PLCH1: variants seen among roughly 807,000 people sequenced by gnomAD.
PLCH1 encodes 1-phosphatidylinositol 4,5-bisphosphate phosphodiesterase eta-1.
PLCH1 carries 60 observed loss-of-function variants against 126.7 expected under a neutral mutation model. That is an observed-to-expected ratio of 0.47 (90% CI 0.38 to 0.59). The LOEUF (loss-of-function observed/expected upper bound fraction) is 0.59. Among genes scored for constraint, PLCH1 ranks in the 20% least tolerant of loss-of-function variants. PLCH1 has a pLI of 0.00. For missense variants in PLCH1, 1,723 were observed against 2,040.0 expected (o/e 0.84, Z 2.99); for synonymous variants, 719 against 734.9 (o/e 0.98, Z 0.35).
chr3:155,603,114 T>C (rs1452852802), intron 2 of PLCH1, among the ~76,000 whole-genome samples: 3 of 151,960 alleles, frequency 2.0e-5, no homozygotes, highest in Non-Finnish European at 4.4e-5. Flanking sequence ...ACACTGATCA[T>C]TGAACTGTGA....
chr3:155,719,862 C>T (rs1010828420), intron 1 of PLCH1, among the ~76,000 whole-genome samples: 20 of 151,902 alleles, frequency 1.3e-4, no homozygotes, highest in African/African-American at 4.3e-4. Flanking sequence ...GTGGCGCAAT[C>T]TTGGCTCACT....
chr3:155,592,512 T>C (rs1158979072), intron 4 of PLCH1, among the ~76,000 whole-genome samples: 2 of 124,934 alleles, frequency 1.6e-5, no homozygotes, highest in African/African-American at 5.6e-5. Context: ...AAAAAAAAAA[T>C]TGTGAGAAGA....
intron 9 of PLCH1, among the ~76,000 whole-genome samples, chr3:155,550,988 C>T (rs1317060588): frequency 2.0e-5 from 3 of 152,086 alleles, no homozygotes; most frequent in Non-Finnish European, 4.4e-5. Context: ...TTTCCTTACT[C>T]GACTACAATC....
At chr3:155,604,385 T>G (rs1302729038) in intron 2 of PLCH1, among the ~76,000 whole-genome samples, 3 of 152,222 alleles carry the variant, frequency 2.0e-5, no homozygotes, top group Non-Finnish European at 4.4e-5. Flanking sequence ...TGTTAATTTT[T>G]TTTCATTGCC....
chr3:155,620,328 A>G (rs1736307958), intron 2 of PLCH1, among the ~76,000 whole-genome samples: 1 of 152,254 alleles, frequency 6.6e-6, no homozygotes. Context: ...ATGCACGTAC[A>G]TCTGCCACAC....
intron 2 of PLCH1, among the ~76,000 whole-genome samples, chr3:155,680,489 C>T (rs17414074): frequency 0.047 from 7,160 of 152,234 alleles, 229 homozygotes; most frequent in Middle Eastern, 0.11. Context: ...GGTGCAGCTT[C>T]GCCATTGAGA....
intron 1 of PLCH1, among the ~76,000 whole-genome samples, chr3:155,730,501 G>A (rs114260021): frequency 3.3e-5 from 5 of 152,144 alleles, no homozygotes; most frequent in African/African-American, 4.8e-5. Context: ...GGCTGGTCTC[G>A]AACTCCTGGC....
At chr3:155,589,477 A>T (rs1731817189) in intron 4 of PLCH1, among the ~76,000 whole-genome samples, 1 of 152,142 alleles carries the variant, frequency 6.6e-6, no homozygotes, top group African/African-American at 2.4e-5. Flanking sequence ...TTCTTAGCTC[A>T]GGAGTCCACG....
chr3:155,484,487 A>G (rs1283674998), intron 22 of PLCH1, among the ~76,000 whole-genome samples: 1 of 152,246 alleles, frequency 6.6e-6, no homozygotes, highest in African/African-American at 2.4e-5. Flanking sequence ...CTGAAATTAG[A>G]CCATTTGATA....
chr3:155,554,991 G>A (rs1269426098), intron 8 of PLCH1, among the ~76,000 whole-genome samples: 1 of 152,162 alleles, frequency 6.6e-6, no homozygotes, highest in Non-Finnish European at 1.5e-5. Flanking sequence ...ATGCCCCTCT[G>A]ACTAAGAATT....
Position 155,742,132 on chromosome 3 carries a change from C to G in PLCH1, c.-41+2708G>C, listed in dbSNP as rs567172676. 13 of 152,322 alleles carry G rather than the reference C, an allele frequency of 8.5e-5. No individual in the cohort carries two copies. In the East Asian group the frequency reaches 2.5e-3, roughly 29 times the overall value. 9.4% of individuals were successfully genotyped at this position (152,322 alleles called of 1,614,324 possible). A position where few individuals can be genotyped will look rare whatever the true frequency, so the allele number is the denominator to read the frequency against. Reference sequence around the variant, plus strand: ...GGTATTAGAATTATTTCAGGACTCACAGCTCTTAGTTCATTCAGAACAGAA... The same window carrying G: ...GGTATTAGAATTATTTCAGGACTCAGAGCTCTTAGTTCATTCAGAACAGAA... On this transcript the variant is annotated intron_variant, in intron 1 of 22. Coordinates refer to ENST00000460012, the MANE Select transcript of PLCH1 (RefSeq NM_014996.4).
Position 155,566,162 on chromosome 3 carries a change from TACATATATAC to T in PLCH1, c.866-1054_866-1045del, listed in dbSNP as rs1160961625. Among the ~76,000 whole-genome samples the T allele has an allele frequency of 3.3e-4, 38 of 114,558 alleles. 4 individuals carry two copies. In the East Asian group the frequency reaches 7.1e-3, roughly 22 times the overall value. 75.2% of individuals were successfully genotyped at this position (114,558 alleles called of 152,430 possible). Reference sequence around the variant, plus strand: ...ATATGTATATATACATATATACACATACATATATACACATATATACACATATATATACACA... The same window carrying T: ...ATATGTATATATACATATATACACATACATATATACACATATATATACACA... On this transcript the variant is annotated intron_variant, in intron 7 of 22. Coordinates refer to ENST00000460012, the MANE Select transcript of PLCH1 (RefSeq NM_014996.4).
chr3:155,590,748 TCAAACAAA>T (rs750341381), intron 4 of PLCH1, among the ~76,000 whole-genome samples: 4 of 152,170 alleles, frequency 2.6e-5, no homozygotes, highest in South Asian at 4.2e-4. Context: ...AGACTCCGCC[TCAAACAAA>T]CAAACAAACA....
intron 1 of PLCH1, among the ~76,000 whole-genome samples, chr3:155,729,086 T>C (rs1327750783): frequency 6.6e-6 from 1 of 152,246 alleles, no homozygotes; most frequent in African/African-American, 2.4e-5. Context: ...TCAGAATATG[T>C]CTGCTCACGA....
At chr3:155,704,094 T>C (rs1004324215) in intron 2 of PLCH1, 52 bp downstream of exon 2, 2 of 778,640 alleles carry the variant, frequency 2.6e-6, no homozygotes, top group African/African-American at 1.8e-5. Flanking sequence ...ATAAAAGTCC[T>C]GTCAGAAACA....
intron 12 of PLCH1, among the ~76,000 whole-genome samples, chr3:155,506,278 T>C (rs571243188): frequency 1.3e-5 from 2 of 151,900 alleles, no homozygotes; most frequent in Admixed American, 1.3e-4. Context: ...CAGGATTCTG[T>C]CTAGCTACAA....
chr3:155,453,082 G>T (rs1054326606), intron 21 of PLCH1, among the ~76,000 whole-genome samples: 9 of 152,140 alleles, frequency 5.9e-5, no homozygotes, highest in African/African-American at 2.2e-4. Flanking sequence ...TCCAATAGAA[G>T]AGCCCTCCTC....
chr3:155,719,960 T>C (rs1747826019), intron 1 of PLCH1, among the ~76,000 whole-genome samples: 5 of 152,018 alleles, frequency 3.3e-5, no homozygotes, highest in Admixed American at 3.3e-4. Flanking sequence ...CATGCCCGGC[T>C]AATTTTTGTA....
At chr3:155,619,283 T>G (rs1412432805) in intron 2 of PLCH1, among the ~76,000 whole-genome samples, 1 of 88,354 alleles carries the variant, frequency 1.1e-5, no homozygotes, top group Non-Finnish European at 2.0e-5. Flanking sequence ...AGGAGTAGTG[T>G]ACAGGGCAGT....
Sources: gnomAD v4.1 joint callset for allele counts (sites outside exome capture counted in the v4.1 genomes callset) on GRCh38, gnomAD v4.1.1 for gene constraint, MANE v1.5 for transcripts, NCBI Gene and HGNC (gene_info 2026-07-23, HGNC 2026-07-21) for gene names.